The following NUP62CL variants were observed in gnomAD, a reference collection of about 807,000 sequenced individuals.
The protein encoded by NUP62CL is nucleoporin-62 C-terminal-like protein.
NUP62CL carries 13 observed loss-of-function variants against 15.3 expected under a neutral mutation model. That is an observed-to-expected ratio of 0.85 (90% confidence interval 0.55 to 1.35). The LOEUF is 1.35. Among genes scored for constraint, NUP62CL ranks in the 40% most tolerant of loss-of-function variants. NUP62CL has a pLI of 0.00. For synonymous variants in NUP62CL, 54 were observed against 49.2 expected, an observed-to-expected ratio of 1.10 and a Z score of -0.41; for missense variants, 123 against 130.6, an observed-to-expected ratio of 0.94 and a Z score of 0.28.
chrX:107,201,738 A>G (rs1404975594), intron 1 of NUP62CL, among the ~76,000 whole-genome samples: 1 of 109,533 alleles, frequency 9.1e-6, no homozygotes, highest in Non-Finnish European at 1.9e-5. Flanking sequence ...GAACGGCCTG[A>G]GCAACATAGT....
chrX:107,131,620 G>A (rs1442874735), intron 8 of NUP62CL: 9 of 488,530 alleles, frequency 1.8e-5, no homozygotes, highest in East Asian at 1.1e-4. Context: ...ACTAGTAGGC[G>A]AGGCGCCGCG....
At chrX:107,166,871 G>C in intron 4 of NUP62CL, among the ~76,000 whole-genome samples, 1 of 111,824 alleles carries the variant, frequency 8.9e-6, no homozygotes. Flanking sequence ...GAAATGTCAA[G>C]ATTATAGAAA....
At chrX:107,179,333 G>A (rs914810202) in intron 2 of NUP62CL, among the ~76,000 whole-genome samples, 1 of 110,522 alleles carries the variant, frequency 9.0e-6, no homozygotes, top group Non-Finnish European at 1.9e-5. Flanking sequence ...ATAATAGTGG[G>A]GGTTGGGCTT....
chrX:107,182,130 T>TTAA (rs1354012720), intron 2 of NUP62CL, among the ~76,000 whole-genome samples: 2 of 112,601 alleles, frequency 1.8e-5, no homozygotes, highest in Non-Finnish European at 3.7e-5. Context: ...TATGATTTGC[T>TTAA]TTTAAGTTAA....
rs186450791 is a variant in NUP62CL, at chrX:107,124,468, A to G, written c.*43-136T>C. ...AATAGCTTTACGTTTTAGAAAACAC[A>G]TAAGAAAAAAACACTCATCTATCTG... On this transcript the variant is annotated intron_variant, in intron 8 of 8. Coordinates refer to ENST00000372466, the MANE Select transcript of NUP62CL (RefSeq NM_017681.3). The G allele has an allele frequency of 4.3e-3, 1,266 of 297,239 alleles. 5 individuals carry two copies. The highest frequency in any genetic ancestry group is 6.9e-3 in the Non-Finnish European group (1,088 of 158,000). 24.5% of individuals were successfully genotyped at this position (297,239 alleles called of 1,213,427 possible).
Position 107,123,778 on chromosome X carries a change from T to C in NUP62CL, c.*597A>G, listed in dbSNP as rs978324889. The C allele has an allele frequency of 1.8e-5, 2 of 112,128 alleles. No homozygotes were observed. The highest frequency in any genetic ancestry group is 6.5e-5 in the African/African-American group (2 of 30,783). 9.2% of individuals were successfully genotyped at this position (112,128 alleles called of 1,213,427 possible). On this transcript the variant is annotated 3_prime_UTR_variant, in exon 9 of 9. Transcript: ENST00000372466. ...CTCTGAATCTCTATAACACACTTTCTATAATTCATACTGCACTTCTTTATA... is the reference window on the plus strand; with the variant it reads ...CTCTGAATCTCTATAACACACTTTCCATAATTCATACTGCACTTCTTTATA...
rs1034448765 is a variant in NUP62CL at position 107,148,110 on chromosome X, T to G, written c.531-301A>C. Reference sequence around the variant, plus strand: ...CATTTCACAAGACAATGAATTCACATAAAAAAATTAAAAATAGCACCAGTT... The same window carrying G: ...CATTTCACAAGACAATGAATTCACAGAAAAAAATTAAAAATAGCACCAGTT... On this transcript the variant is annotated intron_variant, in intron 7 of 8. Coordinates refer to ENST00000372466, the MANE Select transcript of NUP62CL (RefSeq NM_017681.3). 4.5e-5 allele frequency among the ~76,000 whole-genome samples: 5 copies of G among 111,034 alleles called. No individual in the cohort carries two copies. In the Admixed American group the frequency reaches 4.8e-4, roughly 11 times the overall value.
intron 4 of NUP62CL, among the ~76,000 whole-genome samples, chrX:107,156,439 A>G (rs368316368): frequency 1.1e-3 from 108 of 100,666 alleles, no homozygotes; most frequent in African/African-American, 3.4e-3. Context: ...ATCTGAGAAC[A>G]GGCAGACTGC....
intron 8 of NUP62CL, chrX:107,132,190 G>C: frequency 8.9e-7 from 1 of 1,125,664 alleles, no homozygotes. Context: ...AATGCACTTG[G>C]AAATAGAAGA....
chrX:107,199,752 C>A (rs1438072863), intron 1 of NUP62CL, among the ~76,000 whole-genome samples: 3 of 111,741 alleles, frequency 2.7e-5, no homozygotes, highest in African/African-American at 9.8e-5. Context: ...CAACCTCTGG[C>A]AATACATATG....
intron 2 of NUP62CL, 29 bp from the exon 3 acceptor site, chrX:107,175,222 T>G: frequency 1.5e-6 from 1 of 679,113 alleles, no homozygotes; most frequent in Non-Finnish European, 2.3e-6. Context: ...AACAGAAAAA[T>G]ATGTCACTAA....
At chrX:107,161,900 C>G (rs1926394317) in intron 4 of NUP62CL, among the ~76,000 whole-genome samples, 1 of 97,719 alleles carries the variant, frequency 1.0e-5, no homozygotes, top group South Asian at 5.1e-4. Flanking sequence ...GCAACAGATG[C>G]CAACACTGAG....
At chrX:107,177,391 T>C (rs1434799043) in intron 2 of NUP62CL, among the ~76,000 whole-genome samples, 6 of 111,633 alleles carry the variant, frequency 5.4e-5, no homozygotes, top group Admixed American at 1.9e-4. Context: ...AAAGATGGCC[T>C]AATACCCAGA....
rs1433991194 is a variant in NUP62CL at position 107,152,096 on chromosome X, TC to T, written c.530+1075del. ...TATATTCAGATATATATATATATAT[TC>T]AGATATATATATATATTCAGATATA... On this transcript the variant is annotated intron_variant, in intron 7 of 8. Transcript: ENST00000372466. Among the ~76,000 whole-genome samples the T allele has an allele frequency of 2.2e-4, 11 of 49,935 alleles. 1 individual carries two copies. Among genetic ancestry groups the T allele is most frequent in the South Asian group, 9.7e-4 (1 of 1,026 alleles). 43.4% of individuals were successfully genotyped at this position (49,935 alleles called of 115,157 possible). A position where few individuals can be genotyped will look rare whatever the true frequency, so the allele number is the denominator to read the frequency against.
intron 2 of NUP62CL, among the ~76,000 whole-genome samples, chrX:107,190,674 G>T (rs935085829): frequency 9.0e-6 from 1 of 111,689 alleles, no homozygotes; most frequent in Non-Finnish European, 1.9e-5. Flanking sequence ...CCATTAGAGA[G>T]CAGAGTTCAA....
chrX:107,192,708 T>C (rs1927273156), intron 2 of NUP62CL, among the ~76,000 whole-genome samples: 1 of 112,002 alleles, frequency 8.9e-6, no homozygotes, highest in Non-Finnish European at 1.9e-5. Flanking sequence ...AAATAACATA[T>C]CATTTCTTTA....
At chrX:107,132,569 G>A (rs1460198008) in intron 8 of NUP62CL, among the ~76,000 whole-genome samples, 1 of 111,134 alleles carries the variant, frequency 9.0e-6, no homozygotes, top group Non-Finnish European at 1.9e-5. Flanking sequence ...GACCAGTCTG[G>A]GTAACGTGGG....
At chrX:107,132,446 G>T (rs1041143802) in intron 8 of NUP62CL, among the ~76,000 whole-genome samples, 6 of 112,262 alleles carry the variant, frequency 5.3e-5, no homozygotes, top group African/African-American at 1.9e-4. Context: ...TTTGGGACCA[G>T]ACATGAATTG....
chrX:107,171,415 T>C (rs1027986292), intron 3 of NUP62CL, among the ~76,000 whole-genome samples: 1 of 111,294 alleles, frequency 9.0e-6, no homozygotes, highest in Non-Finnish European at 1.9e-5. Flanking sequence ...GGCTGGATAG[T>C]TTATAAAGGA....
Sources: gnomAD v4.1 joint callset for allele counts (sites outside exome capture counted in the v4.1 genomes callset) on GRCh38, gnomAD v4.1.1 for gene constraint, MANE v1.5 for transcripts, NCBI Gene and HGNC (gene_info 2026-07-23, HGNC 2026-07-21) for gene names.